Variants in LRRTM4 observed in about 807,000 individuals in gnomAD.
The protein encoded by LRRTM4 is leucine-rich repeat transmembrane neuronal protein 4.
A neutral mutation model predicts 47.6 loss-of-function variants in LRRTM4; 25 were observed. That is an observed-to-expected ratio of 0.53 (90% CI 0.38 to 0.73). LRRTM4 has a LOEUF of 0.73. LRRTM4 is among the 30% of genes least tolerant of loss of function. LRRTM4 has a pLI of 0.00. For missense variants in LRRTM4, 638 were observed against 713.4 expected, an observed-to-expected ratio of 0.89 and a Z score of 1.20; for synonymous variants, 311 against 269.5, an observed-to-expected ratio of 1.15 and a Z score of -1.51.
chr2:76,914,011 A>T (rs984329135), intron 3 of LRRTM4, among the ~76,000 whole-genome samples: 1 of 151,736 alleles, frequency 6.6e-6, no homozygotes, highest in Non-Finnish European at 1.5e-5. Context: ...ACAATTAAAG[A>T]TATAAAATTT....
intron 3 of LRRTM4, among the ~76,000 whole-genome samples, chr2:76,793,031 C>T (rs1422746658): frequency 6.6e-6 from 1 of 152,148 alleles, no homozygotes; most frequent in Non-Finnish European, 1.5e-5. Flanking sequence ...GAAAATATTA[C>T]ACACTTGCCA....
intron 3 of LRRTM4, among the ~76,000 whole-genome samples, chr2:77,367,301 T>A (rs192506783): frequency 6.6e-5 from 10 of 151,766 alleles, no homozygotes; most frequent in African/African-American, 2.4e-4. Flanking sequence ...TTAATGTCAC[T>A]TACTAGATAA....
chr2:77,063,896 A>G (rs1679872332), intron 3 of LRRTM4, among the ~76,000 whole-genome samples: 1 of 152,212 alleles, frequency 6.6e-6, no homozygotes. Context: ...TTTCACTAAA[A>G]TAAAGATGAC....
At chr2:77,501,138 G>A (rs1678557152) in intron 3 of LRRTM4, among the ~76,000 whole-genome samples, 1 of 150,236 alleles carries the variant, frequency 6.7e-6, no homozygotes, top group Non-Finnish European at 1.5e-5. Context: ...TTTTATATAT[G>A]TATATATATC....
intron 3 of LRRTM4, among the ~76,000 whole-genome samples, chr2:77,280,415 A>G (rs1268138484): frequency 6.6e-6 from 1 of 152,078 alleles, no homozygotes; most frequent in East Asian, 1.9e-4. Flanking sequence ...TTGTTATAAT[A>G]GTTATAGAAA....
intron 3 of LRRTM4, among the ~76,000 whole-genome samples, chr2:77,395,070 C>T (rs1184861447): frequency 6.6e-6 from 1 of 152,012 alleles, no homozygotes; most frequent in East Asian, 2.0e-4. Context: ...TAACCCTTGC[C>T]TGGCATGGCC....
Position 77,109,152 on chromosome 2 carries a change from T to C in LRRTM4, c.1552-360236A>G, listed in dbSNP as rs1363340477. Among the ~76,000 whole-genome samples the C allele has an allele frequency of 2.0e-5, 3 of 152,332 alleles. No individual in the cohort carries two copies. In the South Asian group the frequency reaches 6.2e-4, roughly 32 times the overall value. On this transcript the variant is annotated intron_variant, in intron 3 of 3. Transcript: ENST00000409884. ...TTATTTGCCATGTTGGGTTTTTGTT[T>C]GTTTTGTTTTGCTCTAGTCATCATG...
chr2:77,200,435 A>G (rs1673942173), intron 3 of LRRTM4, among the ~76,000 whole-genome samples: 1 of 152,150 alleles, frequency 6.6e-6, no homozygotes, highest in Non-Finnish European at 1.5e-5. Flanking sequence ...TTATGCATAT[A>G]TATGCATACA....
intron 3 of LRRTM4, among the ~76,000 whole-genome samples, chr2:77,135,378 G>C (rs1424348024): frequency 2.0e-5 from 3 of 152,062 alleles, no homozygotes; most frequent in African/African-American, 4.8e-5. Context: ...ATCATAACCA[G>C]GGTACAGGTA....
intron 3 of LRRTM4, among the ~76,000 whole-genome samples, chr2:77,103,940 A>C (rs1199610461): frequency 6.6e-6 from 1 of 152,118 alleles, no homozygotes; most frequent in Non-Finnish European, 1.5e-5. Context: ...AATCAGTCGG[A>C]TCTCAGTTCT....
At chr2:76,985,463 G>A (rs1676761211) in intron 3 of LRRTM4, among the ~76,000 whole-genome samples, 1 of 151,946 alleles carries the variant, frequency 6.6e-6, no homozygotes, top group Non-Finnish European at 1.5e-5. Context: ...GCAATAGGAT[G>A]TCCCTTCCAG....
chr2:76,806,611 A>G (rs1283172476), intron 3 of LRRTM4, among the ~76,000 whole-genome samples: 1 of 151,842 alleles, frequency 6.6e-6, no homozygotes, highest in Non-Finnish European at 1.5e-5. Flanking sequence ...GAAAAAAAAC[A>G]TATTTATAAA....
At chr2:76,908,888 G>C (rs1319732240) in intron 3 of LRRTM4, among the ~76,000 whole-genome samples, 2 of 152,202 alleles carry the variant, frequency 1.3e-5, no homozygotes, top group African/African-American at 4.8e-5. Context: ...TGGGTAGGAA[G>C]AGTCAATATT....
intron 3 of LRRTM4, among the ~76,000 whole-genome samples, chr2:77,428,588 G>T (rs553448142): frequency 5.9e-5 from 9 of 152,064 alleles, no homozygotes; most frequent in Admixed American, 2.0e-4. Context: ...ATTTTTAAAA[G>T]GTTCACATTT....
chr2:77,509,158 G>A (rs1460131104), intron 3 of LRRTM4, among the ~76,000 whole-genome samples: 1 of 151,344 alleles, frequency 6.6e-6, no homozygotes, highest in Non-Finnish European at 1.5e-5. Context: ...CTTGAACCCG[G>A]GAGGTGGAGG....
At chr2:77,002,169 G>T (rs191163183) in intron 3 of LRRTM4, among the ~76,000 whole-genome samples, 105 of 152,046 alleles carry the variant, frequency 6.9e-4, no homozygotes, top group African/African-American at 2.4e-3. Flanking sequence ...TGTATACTTG[G>T]CCTCTTTTCA....
chr2:77,145,706 G>A (rs930846638), intron 3 of LRRTM4, among the ~76,000 whole-genome samples: 4 of 151,636 alleles, frequency 2.6e-5, no homozygotes, highest in South Asian at 4.1e-4. Context: ...CCCGGGAGGC[G>A]GAGCTTGCAG....
At chr2:77,049,621 C>A (rs1311622552) in intron 3 of LRRTM4, among the ~76,000 whole-genome samples, 1 of 149,840 alleles carries the variant, frequency 6.7e-6, no homozygotes, top group Non-Finnish European at 1.5e-5. Flanking sequence ...ACCTTATTTG[C>A]CCATTTTTAA....
At chr2:76,756,222 G>A (rs1025129901) in intron 3 of LRRTM4, among the ~76,000 whole-genome samples, 2 of 152,032 alleles carry the variant, frequency 1.3e-5, no homozygotes, top group Non-Finnish European at 2.9e-5. Flanking sequence ...CAAGTTTTTA[G>A]ACATAGCTTT....
Sources: gnomAD v4.1 joint callset for allele counts (sites outside exome capture counted in the v4.1 genomes callset) on GRCh38, gnomAD v4.1.1 for gene constraint, MANE v1.5 for transcripts, NCBI Gene and HGNC (gene_info 2026-07-23, HGNC 2026-07-21) for gene names.